ENPP6: variants seen among roughly 807,000 people sequenced by gnomAD.
ENPP6 encodes ectonucleotide pyrophosphatase/phosphodiesterase 6, also known as glycerophosphocholine cholinephosphodiesterase ENPP6.
Under a neutral mutation model 42.0 loss-of-function variants are expected in ENPP6, and 32 were observed. The observed-to-expected ratio is 0.76, with a 90% confidence interval of 0.58 to 1.02. The LOEUF is 1.02. ENPP6 is among the 50% of genes least tolerant of loss of function. ENPP6 has a pLI of 0.00. For missense variants in ENPP6, 552 were observed against 566.8 expected (o/e 0.97, Z 0.27); for synonymous variants, 213 against 216.0 (o/e 0.99, Z 0.12).
At chr4:184,143,408 A>G (rs1186585927) in intron 2 of ENPP6, among the ~76,000 whole-genome samples, 1 of 152,176 alleles carries the variant, frequency 6.6e-6, no homozygotes, top group African/African-American at 2.4e-5. Context: ...GGCCCTGCAA[A>G]GCCTCTTCTC....
intron 1 of ENPP6, among the ~76,000 whole-genome samples, chr4:184,186,303 GA>G (rs1314782752): frequency 6.6e-6 from 1 of 152,152 alleles, no homozygotes; most frequent in Non-Finnish European, 1.5e-5. Context: ...CTCAGTAAAA[GA>G]ATCAAGACCC....
intron 5 of ENPP6, among the ~76,000 whole-genome samples, chr4:184,115,230 T>C (rs1403788676): frequency 6.6e-6 from 1 of 152,282 alleles, no homozygotes; most frequent in African/African-American, 2.4e-5. Flanking sequence ...ACTGGTACCC[T>C]GTGGTTGGCA....
At chr4:184,193,110 A>G (rs923720372) in intron 1 of ENPP6, among the ~76,000 whole-genome samples, 1 of 152,256 alleles carries the variant, frequency 6.6e-6, no homozygotes, top group African/African-American at 2.4e-5. Context: ...GAATTATCCT[A>G]TGATGCAACA....
rs149480446 is a variant in ENPP6 at position 184,116,900 on chromosome 4, C to T, written c.811G>A (p.Gly271Arg). The change falls in exon 5 of 8, where the codon GGG (glycine) becomes AGG (arginine). Residue 271 changes from glycine (G) to arginine (R), a missense_variant. By Grantham distance (125) the Gly-to-Arg change is moderately radical. Transcript: ENST00000296741. Reference sequence around the variant, plus strand: ...GCCGGCCAAAGGCTCACAACAGGCCCGCGGTCCTTCACTTGCTGCAGGTCA... The same window carrying T: ...GCCGGCCAAAGGCTCACAACAGGCCTGCGGTCCTTCACTTGCTGCAGGTCA... ...LNDLQQVKDR[G>R]PVVSLWPAPG... 6.1e-5 allele frequency: 98 copies of T among 1,614,058 alleles called. No individual in the cohort carries two copies. The highest frequency in any genetic ancestry group is 1.3e-5 in the Non-Finnish European group (15 of 1,180,046).
intron 1 of ENPP6, among the ~76,000 whole-genome samples, chr4:184,157,728 C>T (rs1737195322): frequency 6.6e-6 from 1 of 151,706 alleles, no homozygotes; most frequent in African/African-American, 2.4e-5. Flanking sequence ...CCTCCTCAGC[C>T]TCCCAAGTAG....
At chr4:184,182,292 A>G (rs1732566680) in intron 1 of ENPP6, among the ~76,000 whole-genome samples, 1 of 152,230 alleles carries the variant, frequency 6.6e-6, no homozygotes, top group Non-Finnish European at 1.5e-5. Flanking sequence ...AGAGAAATGC[A>G]AATCAAAACC....
rs184686311 is a variant in ENPP6 at position 184,133,938 on chromosome 4, C to T, written c.422-9666G>A. Among the ~76,000 whole-genome samples the T allele has an allele frequency of 7.1e-4, 107 of 149,928 alleles. 3 individuals are homozygous for T. The highest frequency in any genetic ancestry group is 6.7e-3 in the Admixed American group (101 of 15,038). On this transcript the variant is annotated intron_variant, in intron 2 of 7. Coordinates refer to ENST00000296741, the MANE Select transcript of ENPP6 (RefSeq NM_153343.4). ...GCTGGAGTGATTTTTCAATGTTAAACCTGGGTTTTCCTTTTATAAACCCAA... is the reference window on the plus strand; with the variant it reads ...GCTGGAGTGATTTTTCAATGTTAAATCTGGGTTTTCCTTTTATAAACCCAA...
intron 2 of ENPP6, among the ~76,000 whole-genome samples, chr4:184,131,824 CATATAT>C (rs780166830): frequency 4.3e-5 from 6 of 140,384 alleles, no homozygotes; most frequent in African/African-American, 6.1e-5. Context: ...CACACACACA[CATATAT>C]ATATATATAA....
chr4:184,165,582 A>T (rs1422333642), intron 1 of ENPP6, among the ~76,000 whole-genome samples: 1 of 152,240 alleles, frequency 6.6e-6, no homozygotes, highest in African/African-American at 2.4e-5. Flanking sequence ...GGAATGCCAG[A>T]CATTCTCTTA....
intron 1 of ENPP6, among the ~76,000 whole-genome samples, chr4:184,202,280 C>T (rs184364958): frequency 6.6e-6 from 1 of 152,330 alleles, no homozygotes; most frequent in African/African-American, 2.4e-5. Flanking sequence ...GAAGATCTTG[C>T]AGCTGTGGCA....
intron 1 of ENPP6, among the ~76,000 whole-genome samples, chr4:184,201,760 G>A (rs1732908634): frequency 1.3e-5 from 2 of 151,384 alleles, no homozygotes; most frequent in African/African-American, 2.4e-5. Flanking sequence ...CTCAGGGCAT[G>A]GCTGGTTAGT....
intron 1 of ENPP6, among the ~76,000 whole-genome samples, chr4:184,156,341 A>T (rs758880435): frequency 6.6e-6 from 1 of 152,112 alleles, no homozygotes; most frequent in Non-Finnish European, 1.5e-5. Flanking sequence ...ACTCAAGCTG[A>T]TTTCCCTACC....
At chr4:184,143,755 A>T (rs1419123177) in intron 2 of ENPP6, among the ~76,000 whole-genome samples, 1 of 152,138 alleles carries the variant, frequency 6.6e-6, no homozygotes, top group Non-Finnish European at 1.5e-5. Flanking sequence ...AGGCTAAGGG[A>T]TTTCTGCGCG....
At chr4:184,152,407 C>T (rs1737071305) in intron 2 of ENPP6, among the ~76,000 whole-genome samples, 1 of 152,096 alleles carries the variant, frequency 6.6e-6, no homozygotes, top group South Asian at 2.1e-4. Flanking sequence ...CAACCCACCG[C>T]CCACTCACAG....
chr4:184,112,440 A>C (rs1736209251), intron 6 of ENPP6, among the ~76,000 whole-genome samples: 1 of 152,238 alleles, frequency 6.6e-6, no homozygotes, highest in Non-Finnish European at 1.5e-5. Context: ...GTTAAAACAC[A>C]GCGAGTCTGG....
At chr4:184,157,550 T>C (rs996885004) in intron 1 of ENPP6, among the ~76,000 whole-genome samples, 2 of 149,090 alleles carry the variant, frequency 1.3e-5, no homozygotes, top group African/African-American at 5.1e-5. Flanking sequence ...CTTTCTTTCC[T>C]TTCTCTCTTT....
In ENPP6 at chr4:184,132,200, A is replaced by G. The variant is rs577030132; in HGVS notation, c.422-7928T>C. On this transcript the variant is annotated intron_variant, in intron 2 of 7. Coordinates refer to ENST00000296741, the MANE Select transcript of ENPP6 (RefSeq NM_153343.4). ...CCCAACAGAAACACACAGAAATAAT[A>G]TTTAATCTGGGGACCCCTCTACCCG... Among the ~76,000 whole-genome samples, 5 of 152,282 alleles carry G rather than the reference A, an allele frequency of 3.3e-5. No homozygotes were observed. The South Asian group carries it at 1.0e-3, about 32-fold the overall frequency.
At chr4:184,093,256 C>T (rs1408153540) in intron 7 of ENPP6, among the ~76,000 whole-genome samples, 1 of 152,152 alleles carries the variant, frequency 6.6e-6, no homozygotes, top group Non-Finnish European at 1.5e-5. Flanking sequence ...AATATATTCA[C>T]TTTCTAAATT....
At chr4:184,178,134 C>T (rs555035136) in intron 1 of ENPP6, among the ~76,000 whole-genome samples, 3 of 152,142 alleles carry the variant, frequency 2.0e-5, no homozygotes, top group South Asian at 2.1e-4. Flanking sequence ...TAAAACACTA[C>T]GGGAGCTGTT....
Sources: gnomAD v4.1 joint callset for allele counts (sites outside exome capture counted in the v4.1 genomes callset) on GRCh38, gnomAD v4.1.1 for gene constraint, MANE v1.5 for transcripts, NCBI Gene and HGNC (gene_info 2026-07-23, HGNC 2026-07-21) for gene names.